Variants in MAP4 observed in about 807,000 individuals in gnomAD.
The protein encoded by MAP4 is microtubule-associated protein 4.
In MAP4, 76 loss-of-function variants were observed where a neutral mutation model predicts 170.2. The ratio of observed to expected loss-of-function variants is 0.45; its 90% CI spans 0.37 to 0.54. The LOEUF (loss-of-function observed/expected upper bound fraction) is 0.54. Ranked by LOEUF, MAP4 falls within the 20% of genes least tolerant of loss-of-function variation. MAP4 has a pLI of 0.00. For missense variants in MAP4, 2,506 were observed against 2,748.0 expected (o/e 0.91, Z 1.97); for synonymous variants, 909 against 994.5 (o/e 0.91, Z 1.62).
rs1406019695 is a variant in MAP4, at chr3:47,871,938, G to A, written c.5920C>T (p.Leu1974Phe). The A allele has an allele frequency of 6.2e-7, 1 of 1,612,852 alleles. No homozygotes were observed. Among genetic ancestry groups the A allele is most frequent in the Non-Finnish European group, 8.5e-7 (1 of 1,179,092 alleles). The change falls in exon 13 of 21, where the codon CTC becomes TTC. Residue 1974 changes from leucine to phenylalanine, a missense_variant. Around this residue, in one of 3 missense-constraint regions of MAP4, gnomAD observed 487 missense variants for 511.6 expected, o/e 0.95. Transcript: ENST00000683076. ...TGPSSRSPSTLLPKKPTAIKT... is the reference protein window; with the variant it reads ...TGPSSRSPSTFLPKKPTAIKT... ...TCACCAGTGGGCTTCTTGGGCAGGA[G>A]CGTGGAGGGGCTCCTACTGCTTGGG...
At chr3:47,924,707 C>T (rs199770964) in intron 4 of MAP4, among the ~76,000 whole-genome samples, 2 of 152,164 alleles carry the variant, frequency 1.3e-5, no homozygotes, top group Non-Finnish European at 2.9e-5. Context: ...AGATGGCTTA[C>T]GTGGCCGTTG....
chr3:48,050,859 C>T (rs1469187080), intron 1 of MAP4, among the ~76,000 whole-genome samples: 14 of 148,950 alleles, frequency 9.4e-5, no homozygotes, highest in African/African-American at 2.7e-4. Context: ...GAGCTGAGAT[C>T]GCGCCATTGC....
intron 12 of MAP4, among the ~76,000 whole-genome samples, chr3:47,874,455 C>A (rs1017298464): frequency 6.6e-6 from 1 of 151,892 alleles, no homozygotes; most frequent in African/African-American, 2.4e-5. Flanking sequence ...GGTGACAGAG[C>A]GAGGCTCCAT....
In MAP4 at chr3:47,978,097, C is replaced by G. The variant is rs560115836; in HGVS notation, c.224-164G>C. On this transcript the variant is annotated intron_variant, in intron 2 of 20. Transcript: ENST00000683076. ...CATTTAACAAAAGGAAACCCAGAAACAGAACTGAACAGAATCATTAATTCC... is the reference window on the plus strand; with the variant it reads ...CATTTAACAAAAGGAAACCCAGAAAGAGAACTGAACAGAATCATTAATTCC... Among the ~76,000 whole-genome samples, 75 of 152,214 alleles carry G rather than the reference C, an allele frequency of 4.9e-4. 1 individual carries two copies. The South Asian group carries it at 0.015, about 29-fold the overall frequency.
intron 1 of MAP4, among the ~76,000 whole-genome samples, chr3:48,031,505 C>G (rs373891389): frequency 1.3e-5 from 2 of 151,956 alleles, no homozygotes; most frequent in Non-Finnish European, 2.9e-5. Context: ...GAGCCAAGGT[C>G]GCGCCACTGC....
In MAP4 at chr3:47,912,328, A is replaced by C; in HGVS notation, c.2093T>G (p.Val698Gly). 1 of 1,536,096 alleles carries C rather than the reference A, an allele frequency of 6.5e-7. No homozygotes were observed. Among genetic ancestry groups the C allele is most frequent in the Non-Finnish European group, 8.7e-7 (1 of 1,146,894 alleles). The part of the protein sequence containing the change: ...RRSTRPKPAR[V>G]PPELLGGSPP... ...AGAGCCTCCCAGCAGCTCAGGAGGGACCCTGGCAGGCTTGGGCCGGGTTGA... is the reference window on the plus strand; with the variant it reads ...AGAGCCTCCCAGCAGCTCAGGAGGGCCCCTGGCAGGCTTGGGCCGGGTTGA... Residue 698 changes from valine to glycine, a missense_variant, in exon 9 of 21, where the codon GTC becomes GGC. Val to Gly is a moderately radical substitution (Grantham distance 109). This residue lies in a region of MAP4 where 2,008 missense variants were observed against 2,206.0 expected (regional missense o/e 0.91). Coordinates refer to ENST00000683076, the MANE Select transcript of MAP4 (RefSeq NM_001385682.1).
rs1279648615 is a variant in MAP4 at position 47,911,769 on chromosome 3, G to T, written c.2652C>A (p.Asn884Lys). The change falls in exon 9 of 21, where the codon AAC becomes AAA. Residue 884 changes from asparagine (N) to lysine (K), a missense_variant. Coordinates refer to ENST00000683076, the MANE Select transcript of MAP4 (RefSeq NM_001385682.1). This position sits in a 1 kb window ranked among gnomAD's most constrained non-coding sequence, Gnocchi z 4.0. ...TGTCTTGGTTTTGTAGTACTGACTT[G>T]TTACTTTTGCTCTCTTCCTCTACTC... The part of the protein sequence containing the change: ...KLRVEEESKS[N>K]KSVLQNQDKK... The T allele has an allele frequency of 6.5e-7, 1 of 1,536,098 alleles. No homozygotes were observed. Among genetic ancestry groups the T allele is most frequent in the Non-Finnish European group, 8.7e-7 (1 of 1,146,906 alleles).
intron 17 of MAP4, among the ~76,000 whole-genome samples, chr3:47,859,437 G>T (rs1164056173): frequency 6.6e-6 from 1 of 152,206 alleles, no homozygotes; most frequent in Non-Finnish European, 1.5e-5. Flanking sequence ...TGCACCCACA[G>T]CCCAAGGCCT....
At chr3:47,968,456 C>T (rs1022107728) in intron 3 of MAP4, among the ~76,000 whole-genome samples, 1 of 152,094 alleles carries the variant, frequency 6.6e-6, no homozygotes, top group African/African-American at 2.4e-5. Context: ...GGGGAATGCA[C>T]AAATATGCAG....
At chr3:47,925,961 T>G (rs1400260593) in intron 4 of MAP4, among the ~76,000 whole-genome samples, 2 of 142,538 alleles carry the variant, frequency 1.4e-5, no homozygotes, top group South Asian at 4.5e-4. Flanking sequence ...CTCAAGTGAT[T>G]CTCCTGCCTC....
intron 1 of MAP4, among the ~76,000 whole-genome samples, chr3:48,033,584 T>G (rs1257768199): frequency 6.6e-6 from 1 of 152,068 alleles, no homozygotes; most frequent in East Asian, 1.9e-4. Context: ...AAACTGTCCT[T>G]AAGAATTTTT....
intron 2 of MAP4, among the ~76,000 whole-genome samples, chr3:47,997,051 G>GAGA (rs747715319): frequency 4.6e-5 from 7 of 151,670 alleles, no homozygotes; most frequent in Admixed American, 2.6e-4. Flanking sequence ...TAGGTCAAAA[G>GAGA]AAAGTACCCA....
intron 3 of MAP4, among the ~76,000 whole-genome samples, chr3:47,968,939 T>C (rs932116229): frequency 9.9e-5 from 15 of 151,960 alleles, no homozygotes; most frequent in Middle Eastern, 3.4e-3. Flanking sequence ...ATAAAAAAGG[T>C]TTATAAGGGA....
At chr3:47,994,573 A>G (rs1015817779) in intron 2 of MAP4, among the ~76,000 whole-genome samples, 48 of 152,212 alleles carry the variant, frequency 3.2e-4, no homozygotes, top group African/African-American at 1.2e-3. Flanking sequence ...ATCTTGAGTT[A>G]TTTGATCCAT....
At chr3:47,884,228 C>T (rs1361991112) in intron 10 of MAP4, among the ~76,000 whole-genome samples, 1 of 152,118 alleles carries the variant, frequency 6.6e-6, no homozygotes, top group East Asian at 1.9e-4. Context: ...TTGATCTGTC[C>T]TCAACGTCAC....
At chr3:47,870,131 G>A (rs925414285) in intron 15 of MAP4, among the ~76,000 whole-genome samples, 6 of 152,140 alleles carry the variant, frequency 3.9e-5, no homozygotes, top group Non-Finnish European at 5.9e-5. Flanking sequence ...CCAGGGACCC[G>A]AACATTCTCA....
intron 10 of MAP4, among the ~76,000 whole-genome samples, chr3:47,900,584 A>G (rs888525478): frequency 6.6e-6 from 1 of 151,916 alleles, no homozygotes; most frequent in Non-Finnish European, 1.5e-5. Flanking sequence ...AAAAATACAA[A>G]AACTAGCTGG....
At chr3:47,981,138 C>T (rs1456574331) in intron 2 of MAP4, among the ~76,000 whole-genome samples, 4 of 152,152 alleles carry the variant, frequency 2.6e-5, no homozygotes, top group African/African-American at 9.7e-5. Context: ...TATGATGGCA[C>T]TGCTTAAAAA....
chr3:48,078,855 C>T (rs541775498), intron 1 of MAP4, among the ~76,000 whole-genome samples: 69 of 152,240 alleles, frequency 4.5e-4, no homozygotes, highest in Non-Finnish European at 8.8e-4. Flanking sequence ...GAATTATATG[C>T]TGAGCATCCC....
Sources: allele counts gnomAD v4.1 joint callset (sites outside exome capture counted in the v4.1 genomes callset), GRCh38; gene constraint gnomAD v4.1.1; regional missense constraint gnomAD v4.1.1; non-coding constraint Gnocchi (gnomAD v3.1); transcripts MANE v1.5; gene names NCBI Gene and HGNC (gene_info 2026-07-23, HGNC 2026-07-21).